Variants in UTP20 observed in about 807,000 individuals in gnomAD.
The protein encoded by UTP20 is UTP20 small subunit processome component.
Under a neutral mutation model 329.5 loss-of-function variants are expected in UTP20, and 164 were observed. That is an observed-to-expected ratio of 0.50 (90% CI 0.44 to 0.57). The LOEUF is 0.57. UTP20 is among the 20% of genes least tolerant of loss of function. UTP20 has a pLI of 0.00. For synonymous variants in UTP20, 1,151 were observed against 1,159.3 expected (o/e 0.99, Z 0.14); for missense variants, 3,055 against 3,284.2 (o/e 0.93, Z 1.71).
At chr12:101,282,004 T>C (rs904434614) in intron 2 of UTP20, among the ~76,000 whole-genome samples, 2 of 152,106 alleles carry the variant, frequency 1.3e-5, no homozygotes, top group Non-Finnish European at 2.9e-5. Context: ...CGCCCGGCCT[T>C]GTCATCCTTT....
Position 101,371,167 on chromosome 12 carries a change from A to C in UTP20, c.6797A>C (p.Gln2266Pro). The change falls in exon 51 of 62, where the codon CAG becomes CCG. Residue 2266 changes from glutamine to proline, a missense_variant and splice_region_variant. By Grantham distance (76) the Gln-to-Pro change is moderately conservative (BLOSUM62 -1). Coordinates refer to ENST00000261637, the MANE Select transcript of UTP20 (RefSeq NM_014503.3). ...QSEPARVQCR[Q>P]VFLKYILDYP... is the part of the protein sequence containing the mutation. ...GAACCTGCCAGGGTCCAGTGTAGAC[A>C]GGTTTGTAGAGAGCACTTATCCCCA... 1 of 1,607,342 alleles carries C rather than the reference A, an allele frequency of 6.2e-7. No individual in the cohort carries two copies. Among genetic ancestry groups the C allele is most frequent in the Non-Finnish European group, 8.5e-7 (1 of 1,176,940 alleles).
At chr12:101,350,297 C>G (rs1399934451) in intron 38 of UTP20, among the ~76,000 whole-genome samples, 2 of 151,958 alleles carry the variant, frequency 1.3e-5, no homozygotes, top group African/African-American at 4.8e-5. Flanking sequence ...CTCCCAAGTA[C>G]CTGGGACTCC....
At chr12:101,331,767 T>G (rs961847328) in intron 27 of UTP20, among the ~76,000 whole-genome samples, 1 of 152,198 alleles carries the variant, frequency 6.6e-6, no homozygotes, top group Admixed American at 6.5e-5. Flanking sequence ...AGGTGGCTTT[T>G]AGGTTTTAAT....
chr12:101,285,866 A>G lies in UTP20; in HGVS notation c.311A>G (p.Tyr104Cys), dbSNP rs747342486. Residue 104 changes from tyrosine (Y) to cysteine (C), a missense_variant, in exon 4 of 62, where the codon TAT becomes TGT. Tyr to Cys is a radical substitution (Grantham distance 194, BLOSUM62 -2). Coordinates refer to ENST00000261637, the MANE Select transcript of UTP20 (RefSeq NM_014503.3). ...CTGCAAGTTAAGAACAGTTTTGCCTATCAACCCCTTTTGGAGTAAGTAGCA... is the reference window on the plus strand; with the variant it reads ...CTGCAAGTTAAGAACAGTTTTGCCTGTCAACCCCTTTTGGAGTAAGTAGCA... ...THLQVKNSFAYQPLLDLVVQL... is the reference protein window; with the variant it reads ...THLQVKNSFACQPLLDLVVQL... 3.7e-6 allele frequency: 6 copies of G among 1,613,722 alleles called. No individual in the cohort carries two copies. The highest frequency in any genetic ancestry group is 3.3e-5 in the South Asian group (3 of 91,024).
intron 32 of UTP20, among the ~76,000 whole-genome samples, chr12:101,341,285 A>G (rs1333956383): frequency 1.3e-5 from 2 of 150,450 alleles, no homozygotes; most frequent in East Asian, 2.0e-4. Context: ...GCCTCATTAT[A>G]TAATCTTAAT....
At position 101,342,504 on chromosome 12, in the gene UTP20, C is replaced by G. The variant is rs142061094; in HGVS notation, c.4160C>G (p.Pro1387Arg). The change falls in exon 33 of 62, where the codon CCT becomes CGT. Residue 1387 changes from proline to arginine, a missense_variant. By Grantham distance (103) the Pro-to-Arg change is moderately radical (BLOSUM62 -2). This residue lies in a region of UTP20 where 2,445 missense variants were observed against 2,575.5 expected (regional missense o/e 0.95). Transcript: ENST00000261637. Reference sequence around the variant, plus strand: ...AACTTGTTAAAGCATTGTGTGGACCCTACAAGCTTCCTCAAGCCTATAGCA... The same window carrying G: ...AACTTGTTAAAGCATTGTGTGGACCGTACAAGCTTCCTCAAGCCTATAGCA... ...VQNLLKHCVD[P>R]TSFLKPIAKL... 16 of 1,613,568 alleles carry G rather than the reference C, an allele frequency of 9.9e-6. No homozygotes were observed. The South Asian group carries it at 1.8e-4, about 18-fold the overall frequency.
intron 61 of UTP20, 65 bp downstream of exon 61, chr12:101,385,793 TG>T (rs1374982392): frequency 3.2e-6 from 5 of 1,555,356 alleles, no homozygotes; most frequent in Non-Finnish European, 4.3e-6. Flanking sequence ...TGTGCATGTT[TG>T]TGTCACACTT....
chr12:101,299,589 C>T (rs562095227), intron 12 of UTP20, 93 bp from the exon 13 acceptor site: 149 of 1,266,868 alleles, frequency 1.2e-4, no homozygotes, highest in Non-Finnish European at 1.4e-4. Context: ...CTCTAATGCT[C>T]CACAATGGTA....
At chr12:101,334,970 CAAA>C (rs954183189) in intron 29 of UTP20, among the ~76,000 whole-genome samples, 2 of 102,662 alleles carry the variant, frequency 1.9e-5, no homozygotes, top group Non-Finnish European at 2.1e-5. Flanking sequence ...GACCCTGTCT[CAAA>C]AAAAAAAAAA....
At chr12:101,304,738 C>A (rs763151027) in intron 15 of UTP20, among the ~76,000 whole-genome samples, 1 of 152,230 alleles carries the variant, frequency 6.6e-6, no homozygotes, top group Non-Finnish European at 1.5e-5. Context: ...ACAAAGAGTT[C>A]TCTGGCCCAA....
intron 51 of UTP20, among the ~76,000 whole-genome samples, chr12:101,372,345 G>A (rs572567848): frequency 2.0e-5 from 3 of 152,266 alleles, no homozygotes; most frequent in African/African-American, 4.8e-5. Flanking sequence ...TTATTGTCTC[G>A]GCCAACTTCA....
chr12:101,321,833 C>T (rs543771976), intron 25 of UTP20, among the ~76,000 whole-genome samples: 1 of 152,052 alleles, frequency 6.6e-6, no homozygotes, highest in Non-Finnish European at 1.5e-5. Context: ...CAGCCTAGAC[C>T]TCCCAGGCTC....
intron 35 of UTP20, among the ~76,000 whole-genome samples, chr12:101,343,782 G>C (rs1005922553): frequency 2.0e-5 from 3 of 152,176 alleles, no homozygotes; most frequent in South Asian, 2.1e-4. Flanking sequence ...AAAGTGCTGG[G>C]ATTATAGGTG....
At chr12:101,299,869 G>A (rs746268628) in intron 13 of UTP20, 32 bp downstream of exon 13, 1 of 1,600,844 alleles carries the variant, frequency 6.2e-7, no homozygotes, top group Non-Finnish European at 8.5e-7. Context: ...AATTTTGAAA[G>A]AGATAACATG....
chr12:101,333,590 A>G, intron 28 of UTP20, 146 bp downstream of exon 28: 3 of 1,056,414 alleles, frequency 2.8e-6, no homozygotes, highest in Non-Finnish European at 2.7e-6. Flanking sequence ...TTTTTAGAAC[A>G]CTTTTCTTTG....
chr12:101,302,738 A>G (rs1872553348), intron 15 of UTP20, among the ~76,000 whole-genome samples, 185 bp downstream of exon 15: 1 of 152,250 alleles, frequency 6.6e-6, no homozygotes, highest in South Asian at 2.1e-4. Context: ...CAGTCTTTAA[A>G]TACAGATTCA....
In UTP20 at chr12:101,369,770, T is replaced by C; in HGVS notation, c.6434T>C (p.Leu2145Pro). The C allele has an allele frequency of 6.2e-7, 1 of 1,608,984 alleles. No homozygotes were observed. The change falls in exon 49 of 62, where the codon CTA (leucine) becomes CCA (proline). Residue 2145 changes from leucine to proline, a missense_variant. Leu to Pro is a moderately conservative substitution (Grantham distance 98, BLOSUM62 -3). Coordinates refer to ENST00000261637, the MANE Select transcript of UTP20 (RefSeq NM_014503.3). ...QCLIWVLRFP[L>P]PSIETKAEQL... is the part of the protein sequence containing the mutation. ...CTCATCTGGGTCTTGAGGTTCCCGC[T>C]ACCTTCCATAGAAACAAAAGCAGAG...
At chr12:101,293,380 T>A in intron 11 of UTP20, 135 bp downstream of exon 11, 1 of 729,108 alleles carries the variant, frequency 1.4e-6, no homozygotes, top group South Asian at 1.9e-5. Context: ...AGTCAATATG[T>A]TTTTTAAAGA....
Position 101,343,047 on chromosome 12 carries a change from T to A in UTP20, c.4403T>A (p.Val1468Asp). The A allele has an allele frequency of 6.2e-7, 1 of 1,612,746 alleles. No homozygotes were observed. The highest frequency in any genetic ancestry group is 8.5e-7 in the Non-Finnish European group (1 of 1,178,976). Residue 1468 changes from valine to aspartate, a missense_variant, in exon 35 of 62, where the codon GTT (valine) becomes GAT (aspartate). Physicochemically the swap from Val to Asp is radical, Grantham distance 152. Coordinates refer to ENST00000261637, the MANE Select transcript of UTP20 (RefSeq NM_014503.3). Reference sequence around the variant, plus strand: ...ATTAAAGAAATGCAAATTGTGGATGTTAACTACCTAATTCCAGTTATGCAT... The same window carrying A: ...ATTAAAGAAATGCAAATTGTGGATGATAACTACCTAATTCCAGTTATGCAT... ...SYIKEMQIVD[V>D]NYLIPVMHNC...
Sources: allele counts gnomAD v4.1 joint callset (sites outside exome capture counted in the v4.1 genomes callset), GRCh38; gene constraint gnomAD v4.1.1; regional missense constraint gnomAD v4.1.1; transcripts MANE v1.5; gene names NCBI Gene and HGNC (gene_info 2026-07-23, HGNC 2026-07-21).